UMAD1: variants seen among roughly 807,000 people sequenced by gnomAD.
UMAD1 encodes UBAP1-MVB12-associated (UMA)-domain containing protein 1.
A neutral mutation model predicts 6.1 loss-of-function variants in UMAD1; 8 were observed. That is an observed-to-expected ratio of 1.30 (90% CI 0.76 to 2.35). The LOEUF is 2.35. Among genes scored for constraint, UMAD1 ranks in the 30% most tolerant of loss-of-function variants. UMAD1 has a pLI of 0.00. For missense variants in UMAD1, 130 were observed against 78.4 expected (o/e 1.66, Z -2.49); for synonymous variants, 56 against 31.4 (o/e 1.78, Z -2.61).
At chr7:7,857,704 T>G (rs1784043992) in intron 3 of UMAD1, among the ~76,000 whole-genome samples, 1 of 152,228 alleles carries the variant, frequency 6.6e-6, no homozygotes, top group African/African-American at 2.4e-5. Flanking sequence ...AGCCTGTAAT[T>G]TCAGGGTGTC....
intron 2 of UMAD1, among the ~76,000 whole-genome samples, chr7:7,696,026 T>C (rs2115145785): frequency 6.6e-6 from 1 of 151,818 alleles, no homozygotes; most frequent in East Asian, 1.9e-4. Context: ...TAATTTTTTT[T>C]TGAGATGGAG....
chr7:7,651,758 G>T (rs1785227637), intron 1 of UMAD1, among the ~76,000 whole-genome samples: 1 of 152,204 alleles, frequency 6.6e-6, no homozygotes, highest in Non-Finnish European at 1.5e-5. Context: ...ACTCTGCTGG[G>T]TGGAAATTGG....
chr7:7,649,688 G>C (rs1203334461), intron 1 of UMAD1, among the ~76,000 whole-genome samples: 5 of 73,822 alleles, frequency 6.8e-5, no homozygotes, highest in Admixed American at 3.0e-4. Flanking sequence ...TCTTGTTGGT[G>C]GGGGGGCCCA....
rs543823298 is a variant in UMAD1, at chr7:7,692,140, C to T, written c.82+18687C>T. On this transcript the variant is annotated intron_variant, in intron 2 of 3. Transcript: ENST00000682710. The stretch of plus-strand genomic sequence containing the variant: ...GAGTACTTCGCCCCCTTTTTCTGCA[C>T]TCTCGCACACATATCACCATCTTCC... Among the ~76,000 whole-genome samples the T allele has an allele frequency of 5.3e-3, 804 of 152,278 alleles. 8 individuals carry two copies. The highest frequency in any genetic ancestry group is 0.018 in the African/African-American group (762 of 41,546).
At chr7:7,672,661 C>T (rs1779636654) in intron 1 of UMAD1, among the ~76,000 whole-genome samples, 1 of 152,190 alleles carries the variant, frequency 6.6e-6, no homozygotes, top group Non-Finnish European at 1.5e-5. Context: ...CATTCTCTCC[C>T]TGTCGTCCTG....
At chr7:7,770,962 G>A (rs1409749682) in intron 2 of UMAD1, among the ~76,000 whole-genome samples, 1 of 152,108 alleles carries the variant, frequency 6.6e-6, no homozygotes, top group Non-Finnish European at 1.5e-5. Flanking sequence ...TCTTGAGTTA[G>A]TCTTGGATAA....
chr7:7,652,023 G>T (rs1008392366), intron 1 of UMAD1, among the ~76,000 whole-genome samples: 1 of 152,168 alleles, frequency 6.6e-6, no homozygotes, highest in African/African-American at 2.4e-5. Flanking sequence ...TTGTCAGGGA[G>T]GGGTAGAAGG....
At chr7:7,800,679 T>C (rs62434090) in intron 2 of UMAD1, among the ~76,000 whole-genome samples, 9,168 of 152,276 alleles carry the variant, frequency 0.06, 380 homozygotes, top group Non-Finnish European at 0.087. Context: ...TCATGAGACT[T>C]TTCCTTGATT....
At chr7:7,778,810 T>TTTTTG (rs1286513853) in intron 2 of UMAD1, among the ~76,000 whole-genome samples, 1 of 152,198 alleles carries the variant, frequency 6.6e-6, no homozygotes, top group Non-Finnish European at 1.5e-5. Flanking sequence ...ATTGTGTTCT[T>TTTTTG]TTTTGTTTTG....
At chr7:7,648,310 A>G (rs959302545) in intron 1 of UMAD1, among the ~76,000 whole-genome samples, 1 of 152,234 alleles carries the variant, frequency 6.6e-6, no homozygotes, top group Non-Finnish European at 1.5e-5. Flanking sequence ...AGTTTTCTCC[A>G]GTAAACCATA....
chr7:7,681,701 T>A (rs1779916807), intron 2 of UMAD1, among the ~76,000 whole-genome samples: 1 of 152,158 alleles, frequency 6.6e-6, no homozygotes, highest in African/African-American at 2.4e-5. Context: ...CATAGCCTTA[T>A]ACTACTATTT....
rs1781099055 is a variant in UMAD1 at position 7,724,197 on chromosome 7, C to A, written c.82+50744C>A. Among the ~76,000 whole-genome samples the A allele has an allele frequency of 7.9e-5, 12 of 152,162 alleles. 1 individual carries two copies. The highest frequency in any genetic ancestry group is 7.9e-4 in the Admixed American group (12 of 15,274). ...TCAGATAGTCCCTGAAATGCCTCAT[C>A]ATTTCCCTTTCTCCAATGCACGGTT... On this transcript the variant is annotated intron_variant, in intron 2 of 3. Transcript: ENST00000682710.
At chr7:7,778,273 TGTGAGA>T (rs1215727213) in intron 2 of UMAD1, among the ~76,000 whole-genome samples, 178 of 94,826 alleles carry the variant, frequency 1.9e-3, no homozygotes, top group South Asian at 4.9e-3. Flanking sequence ...TGTGTGTGTG[TGTGAGA>T]GAGAGAGAGA....
intron 3 of UMAD1, among the ~76,000 whole-genome samples, chr7:7,853,711 T>C (rs1427697848): frequency 6.6e-6 from 1 of 152,224 alleles, no homozygotes; most frequent in East Asian, 1.9e-4. Flanking sequence ...AATGAATTCC[T>C]TAGGATTTTC....
chr7:7,649,265 G>T (rs1005265385), intron 1 of UMAD1, among the ~76,000 whole-genome samples: 3 of 152,138 alleles, frequency 2.0e-5, no homozygotes, highest in Non-Finnish European at 4.4e-5. Context: ...CCCACATCTG[G>T]CAGGGGCTTG....
intron 3 of UMAD1, among the ~76,000 whole-genome samples, chr7:7,813,488 G>A (rs751506137): frequency 1.3e-5 from 2 of 152,176 alleles, no homozygotes; most frequent in Non-Finnish European, 2.9e-5. Context: ...ACAGGCATGA[G>A]TGACTGCGCC....
intron 2 of UMAD1, among the ~76,000 whole-genome samples, chr7:7,749,354 A>G (rs1353276389): frequency 6.6e-6 from 1 of 152,192 alleles, no homozygotes; most frequent in Non-Finnish European, 1.5e-5. Context: ...CCAGCAGTGC[A>G]CACTTTAATA....
intron 2 of UMAD1, among the ~76,000 whole-genome samples, chr7:7,795,908 A>G (rs1017966632): frequency 6.6e-6 from 1 of 152,128 alleles, no homozygotes; most frequent in East Asian, 1.9e-4. Context: ...TTGTGACCTC[A>G]TATCCCATCC....
chr7:7,784,467 C>T (rs1261485695), intron 2 of UMAD1, among the ~76,000 whole-genome samples: 1 of 151,118 alleles, frequency 6.6e-6, no homozygotes, highest in Non-Finnish European at 1.5e-5. Context: ...TCCCGAGTAG[C>T]TGGGGCTACA....
Sources: allele counts gnomAD v4.1 joint callset (sites outside exome capture counted in the v4.1 genomes callset), GRCh38; gene constraint gnomAD v4.1.1; transcripts MANE v1.5; gene names NCBI Gene and HGNC (gene_info 2026-07-23, HGNC 2026-07-21).